ROR1: variants seen among roughly 807,000 people sequenced by gnomAD.
ROR1 encodes the protein ROR family WNT receptor 1, also known as inactive tyrosine-protein kinase transmembrane receptor ROR1.
A neutral mutation model predicts 78.8 loss-of-function variants in ROR1; 19 were observed. That is an observed-to-expected ratio of 0.24 (90% CI 0.17 to 0.35). ROR1 has a LOEUF of 0.35. Among genes scored for constraint, ROR1 ranks in the 10% least tolerant of loss-of-function variants. The pLI is 1.00. For synonymous variants in ROR1, 386 were observed against 433.6 expected (o/e 0.89, Z 1.36); for missense variants, 917 against 1,177.8 (o/e 0.78, Z 3.24).
intron 1 of ROR1, among the ~76,000 whole-genome samples, chr1:63,818,206 A>C (rs1644903701): frequency 6.6e-6 from 1 of 152,124 alleles, no homozygotes; most frequent in South Asian, 2.1e-4. Flanking sequence ...GGGCCTGGGG[A>C]AGGAAAGGAT....
intron 1 of ROR1, among the ~76,000 whole-genome samples, chr1:63,896,230 A>G (rs530347685): frequency 5.3e-5 from 8 of 152,322 alleles, no homozygotes; most frequent in African/African-American, 1.9e-4. Flanking sequence ...ATATAAATAT[A>G]CCCTTTCTGA....
At position 63,821,412 on chromosome 1, in the gene ROR1, A is replaced by T. The variant is rs551031596; in HGVS notation, c.91+46904A>T. Reference sequence around the variant, plus strand: ...CTTACAATTGTTGATGGTTGATAGCATTTGGTATCCATTGGAAACTGCCAA... The same window carrying T: ...CTTACAATTGTTGATGGTTGATAGCTTTTGGTATCCATTGGAAACTGCCAA... On this transcript the variant is annotated intron_variant, in intron 1 of 8. Coordinates refer to ENST00000371079, the MANE Select transcript of ROR1 (RefSeq NM_005012.4). Among the ~76,000 whole-genome samples, 34 of 152,316 alleles carry T rather than the reference A, an allele frequency of 2.2e-4. 1 individual carries two copies. The South Asian group carries it at 5.6e-3, about 25-fold the overall frequency.
chr1:64,064,877 T>C (rs1004670861), intron 4 of ROR1, among the ~76,000 whole-genome samples: 5 of 152,218 alleles, frequency 3.3e-5, no homozygotes, highest in African/African-American at 1.2e-4. Flanking sequence ...ATTTTCAGAA[T>C]ATTTTTTCTT....
chr1:64,035,570 T>C (rs1470990192), intron 2 of ROR1, among the ~76,000 whole-genome samples: 1 of 152,102 alleles, frequency 6.6e-6, no homozygotes, highest in African/African-American at 2.4e-5. Context: ...CAGAGTCTCT[T>C]TCCCAGGAAT....
intron 1 of ROR1, among the ~76,000 whole-genome samples, chr1:63,983,206 T>TC (rs1164351361): frequency 6.6e-6 from 1 of 152,124 alleles, no homozygotes; most frequent in Non-Finnish European, 1.5e-5. Flanking sequence ...TTTCTCACTC[T>TC]CCCCCTCCGC....
At chr1:64,100,229 C>T (rs1347519509) in intron 4 of ROR1, among the ~76,000 whole-genome samples, 1 of 151,880 alleles carries the variant, frequency 6.6e-6, no homozygotes, top group East Asian at 1.9e-4. Flanking sequence ...TGTCTGTAAT[C>T]CCAGCACTTT....
chr1:64,042,849 G>A (rs1007392206), intron 2 of ROR1, among the ~76,000 whole-genome samples: 8 of 152,210 alleles, frequency 5.3e-5, no homozygotes, highest in African/African-American at 1.9e-4. Flanking sequence ...GTGAATGCAG[G>A]TTGATAGCGT....
chr1:63,818,280 C>A lies in ROR1; in HGVS notation c.91+43772C>A, dbSNP rs541872210. ...AATCTTGGGAAATTATTTCTAGGGG[C>A]TTCTTACCAGATTAGCTCTGTTTTT... On this transcript the variant is annotated intron_variant, in intron 1 of 8. Transcript: ENST00000371079. 5.9e-5 allele frequency among the ~76,000 whole-genome samples: 9 copies of A among 152,262 alleles called. No homozygotes were observed. In the East Asian group the frequency reaches 1.7e-3, roughly 29 times the overall value.
Position 64,112,019 on chromosome 1 carries a change from T to G in ROR1, c.483-25350T>G, listed in dbSNP as rs1648118562. 2.0e-5 allele frequency: 3 copies of G among 152,192 alleles called. No individual in the cohort carries two copies. In the South Asian group the frequency reaches 6.2e-4, roughly 31 times the overall value. 9.4% of individuals were successfully genotyped at this position (152,192 alleles called of 1,614,324 possible). On this transcript the variant is annotated intron_variant, in intron 4 of 8. Coordinates refer to ENST00000371079, the MANE Select transcript of ROR1 (RefSeq NM_005012.4). Reference sequence around the variant, plus strand: ...AGGCACATGATGTGAGTCACACAATTTTCATGCCAGCCCAGAGCGTTGGGT... The same window carrying G: ...AGGCACATGATGTGAGTCACACAATGTTCATGCCAGCCCAGAGCGTTGGGT...
intron 4 of ROR1, among the ~76,000 whole-genome samples, chr1:64,099,795 G>A (rs562176797): frequency 2.8e-4 from 42 of 152,284 alleles, no homozygotes; most frequent in African/African-American, 9.9e-4. Context: ...AGTGGCTCAC[G>A]CCTGTAATCC....
chr1:63,885,354 G>A (rs964537249), intron 1 of ROR1, among the ~76,000 whole-genome samples: 1 of 152,164 alleles, frequency 6.6e-6, no homozygotes, highest in African/African-American at 2.4e-5. Flanking sequence ...TGGGGAAGAA[G>A]AAAGCCAGAA....
intron 4 of ROR1, among the ~76,000 whole-genome samples, chr1:64,102,475 G>T (rs2100659072): frequency 6.6e-6 from 1 of 152,238 alleles, no homozygotes; most frequent in South Asian, 2.1e-4. Context: ...AGCTTACATT[G>T]ATGTGTCCAG....
chr1:64,036,972 G>A (rs911162189), intron 2 of ROR1, among the ~76,000 whole-genome samples: 1 of 152,210 alleles, frequency 6.6e-6, no homozygotes, highest in African/African-American at 2.4e-5. Context: ...TCACACACAA[G>A]TGTTGTTTGC....
At position 64,114,300 on chromosome 1, in the gene ROR1, C is replaced by T. The variant is rs544303986; in HGVS notation, c.483-23069C>T. Among the ~76,000 whole-genome samples the T allele has an allele frequency of 2.8e-4, 42 of 152,288 alleles. 1 individual carries two copies. The East Asian group carries it at 7.0e-3, about 25-fold the overall frequency. Reference sequence around the variant, plus strand: ...ATCGGAATTCTTCAGCTTAATATGTCGCTTCTTAGAAAGTTAATGCCCTTT... The same window carrying T: ...ATCGGAATTCTTCAGCTTAATATGTTGCTTCTTAGAAAGTTAATGCCCTTT... On this transcript the variant is annotated intron_variant, in intron 4 of 8. Coordinates refer to ENST00000371079, the MANE Select transcript of ROR1 (RefSeq NM_005012.4).
intron 8 of ROR1, among the ~76,000 whole-genome samples, chr1:64,159,547 G>C (rs1649877751): frequency 6.6e-6 from 1 of 152,072 alleles, no homozygotes; most frequent in Admixed American, 6.5e-5. Context: ...AATTGCAAGA[G>C]AGAACAAGAT....
chr1:64,123,092 C>T (rs1648599702), intron 4 of ROR1, among the ~76,000 whole-genome samples: 1 of 152,186 alleles, frequency 6.6e-6, no homozygotes, highest in South Asian at 2.1e-4. Context: ...CCTCCCCTTC[C>T]TTCCTCAGTA....
intron 1 of ROR1, among the ~76,000 whole-genome samples, chr1:63,847,171 G>A (rs973413039): frequency 1.3e-5 from 2 of 152,160 alleles, no homozygotes; most frequent in Middle Eastern, 3.2e-3. Context: ...AGGTGTTGGG[G>A]CTGTATGTGC....
intron 1 of ROR1, among the ~76,000 whole-genome samples, chr1:63,908,604 C>T (rs1645545819): frequency 1.3e-5 from 2 of 152,172 alleles, no homozygotes; most frequent in Non-Finnish European, 1.5e-5. Context: ...TGTTGAGAAC[C>T]CATCTTTACT....
chr1:64,152,211 C>A (rs1405349901), intron 7 of ROR1, among the ~76,000 whole-genome samples: 1 of 152,162 alleles, frequency 6.6e-6, no homozygotes, highest in Non-Finnish European at 1.5e-5. Flanking sequence ...TGGATAATTT[C>A]TTACACAAAT....
Sources: gnomAD v4.1 joint callset for allele counts (sites outside exome capture counted in the v4.1 genomes callset) on GRCh38, gnomAD v4.1.1 for gene constraint, MANE v1.5 for transcripts, NCBI Gene and HGNC (gene_info 2026-07-23, HGNC 2026-07-21) for gene names.